Variants in MAD1L1 observed in about 807,000 individuals in gnomAD.
MAD1L1 encodes mitotic spindle assembly checkpoint protein MAD1.
A neutral mutation model predicts 96.9 loss-of-function variants in MAD1L1; 95 were observed. The ratio of observed to expected loss-of-function variants is 0.98; its 90% CI spans 0.83 to 1.16. MAD1L1 has a LOEUF of 1.16. MAD1L1 is among the 50% of genes most tolerant of loss of function. The pLI is 0.00. For synonymous variants in MAD1L1, 473 were observed against 396.6 expected, an observed-to-expected ratio of 1.19 and a Z score of -2.29; for missense variants, 1,007 against 954.4, an observed-to-expected ratio of 1.06 and a Z score of -0.73.
chr7:2,173,215 T>C (rs1219865253), intron 10 of MAD1L1, among the ~76,000 whole-genome samples: 2 of 152,198 alleles, frequency 1.3e-5, no homozygotes, highest in Non-Finnish European at 2.9e-5. Context: ...AGGCTTTCAT[T>C]GCCACTTTCC....
chr7:2,120,275 T>C (rs927552353), intron 11 of MAD1L1, among the ~76,000 whole-genome samples: 2 of 152,172 alleles, frequency 1.3e-5, no homozygotes, highest in African/African-American at 4.8e-5. Flanking sequence ...CGCCTGTATG[T>C]TACAGCAAAT....
In MAD1L1 at chr7:2,216,228, C is replaced by T. The variant is rs377278456; in HGVS notation, c.738G>A (p.Lys246=). Residue 246 remains lysine, a synonymous_variant, in exon 8 of 19, where the codon AAG becomes AAA. Transcript: ENST00000265854. The part of the protein sequence containing the change: ...EQDAAIVKNM[K]SELVRLPRLE... ...GCCTAGGGAGCCGTACCAGCTCAGA[C>T]TTCATGTTCTTCACAATCGCTGCAT... The T allele has an allele frequency of 3.8e-5, 62 of 1,614,084 alleles. No individual in the cohort carries two copies. Among genetic ancestry groups the T allele is most frequent in the Non-Finnish European group, 5.0e-5 (59 of 1,180,058 alleles).
intron 10 of MAD1L1, among the ~76,000 whole-genome samples, chr7:2,185,330 C>T (rs1312957298): frequency 6.6e-6 from 1 of 152,182 alleles, no homozygotes; most frequent in African/African-American, 2.4e-5. Flanking sequence ...GAAATCAGAA[C>T]AGTGCTTGTC....
chr7:1,838,232 C>T lies in MAD1L1; in HGVS notation c.1999-22004G>A, dbSNP rs150323567. ...AGCATCATAAAAGCAGACAGTGGCG[C>T]GTGCTGGGGAGGACGGGGAGAAGCT... On this transcript the variant is annotated intron_variant, in intron 18 of 18. Coordinates refer to ENST00000265854, the MANE Select transcript of MAD1L1 (RefSeq NM_001013836.2). 4.0e-3 allele frequency among the ~76,000 whole-genome samples: 610 copies of T among 152,304 alleles called. 6 individuals carry two copies. Among genetic ancestry groups the T allele is most frequent in the African/African-American group, 0.014 (571 of 41,550 alleles).
intron 10 of MAD1L1, among the ~76,000 whole-genome samples, chr7:2,204,834 G>A (rs1188405233): frequency 6.6e-6 from 1 of 152,208 alleles, no homozygotes; most frequent in Non-Finnish European, 1.5e-5. Context: ...GGGTCACACC[G>A]TAAGTGTGTA....
chr7:2,018,652 G>C (rs1782648626), intron 12 of MAD1L1, among the ~76,000 whole-genome samples: 1 of 152,146 alleles, frequency 6.6e-6, no homozygotes, highest in Non-Finnish European at 1.5e-5. Flanking sequence ...CCCCTCCTTA[G>C]AGCCCCAGCA....
At chr7:2,212,348 CCAGA>C (rs1792991132) in intron 10 of MAD1L1, among the ~76,000 whole-genome samples, 1 of 152,214 alleles carries the variant, frequency 6.6e-6, no homozygotes, top group African/African-American at 2.4e-5. Flanking sequence ...GCTACAAGCA[CCAGA>C]CAATCGTCTT....
chr7:2,007,378 T>C (rs1234785814), intron 13 of MAD1L1, among the ~76,000 whole-genome samples: 2 of 152,212 alleles, frequency 1.3e-5, no homozygotes, highest in Non-Finnish European at 2.9e-5. Flanking sequence ...GGGAAGAGCC[T>C]GGCAATGTCT....
chr7:2,216,656 C>T (rs945528008), intron 7 of MAD1L1, among the ~76,000 whole-genome samples: 51 of 152,184 alleles, frequency 3.4e-4, no homozygotes, highest in African/African-American at 1.1e-3. Flanking sequence ...CACCGTCACA[C>T]GTGCTCCACT....
At chr7:2,197,551 C>T (rs530610219) in intron 10 of MAD1L1, among the ~76,000 whole-genome samples, 4 of 152,346 alleles carry the variant, frequency 2.6e-5, no homozygotes, top group South Asian at 2.1e-4. Context: ...TCCCTGCACA[C>T]GGGCCCAAGC....
chr7:2,024,813 T>A (rs566707127), intron 12 of MAD1L1, among the ~76,000 whole-genome samples: 1 of 152,264 alleles, frequency 6.6e-6, no homozygotes, highest in Non-Finnish European at 1.5e-5. Flanking sequence ...TGATCACTAA[T>A]AACCTCCCAA....
rs1789062423 is a variant in MAD1L1, at chr7:2,142,043, G to C, written c.1073+7109C>G. ...CTGTCACCTTGAGCAGCGCACTCTGGGGCACCTGACTCACTGAGGGGTCCA... is the reference window on the plus strand; with the variant it reads ...CTGTCACCTTGAGCAGCGCACTCTGCGGCACCTGACTCACTGAGGGGTCCA... On this transcript the variant is annotated intron_variant, in intron 11 of 18. Coordinates refer to ENST00000265854, the MANE Select transcript of MAD1L1 (RefSeq NM_001013836.2). The surrounding 1 kb of genome is among the most constrained non-coding windows in gnomAD (Gnocchi z 4.7). 1.3e-5 allele frequency among the ~76,000 whole-genome samples: 2 copies of C among 152,158 alleles called. No individual in the cohort carries two copies. Among genetic ancestry groups the C allele is most frequent in the Admixed American group, 1.3e-4 (2 of 15,282 alleles).
intron 11 of MAD1L1, among the ~76,000 whole-genome samples, chr7:2,083,745 C>T (rs1785771386): frequency 6.6e-6 from 1 of 152,274 alleles, no homozygotes; most frequent in East Asian, 1.9e-4. Context: ...ACCAACATTT[C>T]CTCCTCCCAG....
At chr7:2,143,750 C>T (rs1789157709) in intron 11 of MAD1L1, among the ~76,000 whole-genome samples, 1 of 152,094 alleles carries the variant, frequency 6.6e-6, no homozygotes, top group Admixed American at 6.5e-5. Context: ...TGCCTGGAGG[C>T]AGCAAGGTGG....
chr7:2,070,372 C>T (rs1785066799), intron 11 of MAD1L1, among the ~76,000 whole-genome samples: 1 of 152,178 alleles, frequency 6.6e-6, no homozygotes, highest in African/African-American at 2.4e-5. Flanking sequence ...TGAGTCAGGA[C>T]TCCACCTCCC....
In MAD1L1 at chr7:1,980,449, G is replaced by C; in HGVS notation, c.1505+4C>G. The C allele has an allele frequency of 1.9e-6, 3 of 1,587,754 alleles. No individual in the cohort carries two copies. Among genetic ancestry groups the C allele is most frequent in the South Asian group, 2.3e-5 (2 of 88,298 alleles). ...CGTGTCCGCCTCCTCTCTGGGGGAC[G>C]TACCTGAGCGTGTCCGCCTCCTCCC... On this transcript the variant is annotated splice_donor_region_variant and intron_variant, in intron 15 of 18. Coordinates refer to ENST00000265854, the MANE Select transcript of MAD1L1 (RefSeq NM_001013836.2).
intron 16 of MAD1L1, among the ~76,000 whole-genome samples, chr7:1,954,589 C>T (rs985065707): frequency 6.6e-6 from 1 of 152,146 alleles, no homozygotes; most frequent in Non-Finnish European, 1.5e-5. Context: ...TGCGGCTGCA[C>T]CAATAGCCAT....
At chr7:1,958,624 CACA>C (rs2128474437) in intron 15 of MAD1L1, among the ~76,000 whole-genome samples, 1 of 152,284 alleles carries the variant, frequency 6.6e-6, no homozygotes, top group South Asian at 2.1e-4. Context: ...ACATCTAGAA[CACA>C]ACAAGCTAAA....
intron 12 of MAD1L1, among the ~76,000 whole-genome samples, chr7:2,049,519 C>T (rs763064396): frequency 4.6e-5 from 7 of 152,192 alleles, no homozygotes; most frequent in Admixed American, 4.6e-4. Context: ...TAAACACACA[C>T]AGATTTTCAA....
Sources: allele counts gnomAD v4.1 joint callset (sites outside exome capture counted in the v4.1 genomes callset), GRCh38; gene constraint gnomAD v4.1.1; non-coding constraint Gnocchi (gnomAD v3.1); transcripts MANE v1.5; gene names NCBI Gene and HGNC (gene_info 2026-07-23, HGNC 2026-07-21).